Variants in ATRNL1 observed in about 807,000 individuals in gnomAD.
The protein encoded by ATRNL1 is attractin like 1.
A neutral mutation model predicts 182.7 loss-of-function variants in ATRNL1; 95 were observed. That is an observed-to-expected ratio of 0.52 (90% CI 0.44 to 0.62). The LOEUF (loss-of-function observed/expected upper bound fraction) is 0.62. Among genes scored for constraint, ATRNL1 ranks in the 20% least tolerant of loss-of-function variants. ATRNL1 has a pLI of 0.00. For missense variants in ATRNL1, 1,471 were observed against 1,679.5 expected (o/e 0.88, Z 2.17); for synonymous variants, 576 against 568.3 (o/e 1.01, Z -0.19).
At chr10:115,117,845 A>G (rs1554870450) in intron 1 of ATRNL1, among the ~76,000 whole-genome samples, 1 of 152,060 alleles carries the variant, frequency 6.6e-6, no homozygotes, top group East Asian at 1.9e-4. Context: ...CCTTTTCTCC[A>G]TATCCTTGCC....
chr10:115,931,773 T>C lies in ATRNL1; in HGVS notation c.4019-12885T>C, dbSNP rs186546792. Among the ~76,000 whole-genome samples the C allele has an allele frequency of 1.1e-3, 170 of 152,312 alleles. 1 individual carries two copies. The highest frequency in any genetic ancestry group is 0.011 in the Admixed American group (169 of 15,288). The stretch of plus-strand genomic sequence containing the variant: ...ATAGTTTCTATCTCCATCCATCCCT[T>C]AACCCATCACGTTGCCATCCTGTGA... On this transcript the variant is annotated intron_variant, in intron 28 of 28. Transcript: ENST00000355044.
intron 27 of ATRNL1, among the ~76,000 whole-genome samples, chr10:115,749,596 T>C (rs1446008450): frequency 3.3e-5 from 5 of 151,954 alleles, no homozygotes; most frequent in African/African-American, 4.8e-5. Context: ...GAATAATGTT[T>C]AAAACTGATC....
intron 19 of ATRNL1, among the ~76,000 whole-genome samples, chr10:115,370,813 T>A (rs1472373563): frequency 1.3e-5 from 2 of 152,314 alleles, no homozygotes; most frequent in South Asian, 2.1e-4. Flanking sequence ...AGCTGAATGC[T>A]AATCACCAAG....
chr10:115,798,208 C>G (rs573594243), intron 27 of ATRNL1, among the ~76,000 whole-genome samples: 1 of 152,186 alleles, frequency 6.6e-6, no homozygotes, highest in Non-Finnish European at 1.5e-5. Context: ...GGAGCCACCG[C>G]GCCCAGCCTC....
chr10:115,824,152 A>G (rs2134291125), intron 27 of ATRNL1, among the ~76,000 whole-genome samples: 1 of 152,342 alleles, frequency 6.6e-6, no homozygotes, highest in East Asian at 1.9e-4. Context: ...ATGTTTGACA[A>G]ACCTGACAAA....
chr10:115,179,521 A>G (rs1847664954), intron 8 of ATRNL1, among the ~76,000 whole-genome samples: 1 of 152,132 alleles, frequency 6.6e-6, no homozygotes, highest in Non-Finnish European at 1.5e-5. Flanking sequence ...TGCCCTGGTC[A>G]TACCTTTATA....
chr10:115,436,265 T>C (rs1248591992), intron 21 of ATRNL1, among the ~76,000 whole-genome samples: 2 of 152,120 alleles, frequency 1.3e-5, no homozygotes, highest in Non-Finnish European at 2.9e-5. Flanking sequence ...TTTTGAGCTA[T>C]TATGAAGTAA....
intron 27 of ATRNL1, among the ~76,000 whole-genome samples, chr10:115,832,769 CCTTG>C (rs1950587179): frequency 6.6e-6 from 1 of 152,092 alleles, no homozygotes; most frequent in African/African-American, 2.4e-5. Context: ...CTTTTGCTGT[CCTTG>C]CTTGCTTGCT....
At chr10:115,387,462 G>A (rs1554953013) in intron 19 of ATRNL1, among the ~76,000 whole-genome samples, 3 of 152,026 alleles carry the variant, frequency 2.0e-5, no homozygotes, top group African/African-American at 4.8e-5. Context: ...TTCTATTGAG[G>A]TACAATTCAG....
At chr10:115,443,292 T>C (rs1057491882) in intron 21 of ATRNL1, among the ~76,000 whole-genome samples, 6 of 152,136 alleles carry the variant, frequency 3.9e-5, no homozygotes, top group Non-Finnish European at 8.8e-5. Context: ...TAAATGTAAT[T>C]ACACCTGTTT....
At chr10:115,939,652 A>G (rs770565235) in intron 28 of ATRNL1, among the ~76,000 whole-genome samples, 1 of 152,188 alleles carries the variant, frequency 6.6e-6, no homozygotes, top group Non-Finnish European at 1.5e-5. Context: ...ATAACAAGGA[A>G]CTATGCTAGG....
intron 26 of ATRNL1, among the ~76,000 whole-genome samples, chr10:115,642,128 C>T (rs1859291669): frequency 6.6e-6 from 1 of 152,014 alleles, no homozygotes; most frequent in Non-Finnish European, 1.5e-5. Flanking sequence ...CAAAAGTTTT[C>T]AGACTCAATG....
chr10:115,259,557 A>G (rs576398559), intron 10 of ATRNL1, among the ~76,000 whole-genome samples: 2 of 152,030 alleles, frequency 1.3e-5, no homozygotes, highest in African/African-American at 4.8e-5. Flanking sequence ...AAATCCCCCA[A>G]CCCCTTGTGC....
intron 10 of ATRNL1, among the ~76,000 whole-genome samples, chr10:115,254,580 G>A (rs1385217479): frequency 6.6e-6 from 1 of 152,062 alleles, no homozygotes; most frequent in East Asian, 1.9e-4. Context: ...CTCCCATTCT[G>A]TAGGTTGCCT....
At chr10:115,478,745 A>T (rs550886576) in intron 24 of ATRNL1, among the ~76,000 whole-genome samples, 2 of 151,830 alleles carry the variant, frequency 1.3e-5, no homozygotes, top group African/African-American at 4.8e-5. Context: ...TTAGGGTAAA[A>T]AAATGGAAAG....
At chr10:115,740,801 C>G (rs1252350005) in intron 27 of ATRNL1, among the ~76,000 whole-genome samples, 1 of 151,350 alleles carries the variant, frequency 6.6e-6, no homozygotes, top group South Asian at 2.1e-4. Context: ...CCACCACACC[C>G]GGCCAATCCT....
intron 26 of ATRNL1, among the ~76,000 whole-genome samples, chr10:115,693,723 CTG>C (rs1320526548): frequency 6.6e-6 from 1 of 151,980 alleles, no homozygotes; most frequent in Non-Finnish European, 1.5e-5. Flanking sequence ...CTGTAAACAA[CTG>C]TAACACAATA....
intron 27 of ATRNL1, among the ~76,000 whole-genome samples, chr10:115,806,111 AACTT>A (rs1555085603): frequency 6.6e-6 from 1 of 152,166 alleles, no homozygotes; most frequent in African/African-American, 2.4e-5. Flanking sequence ...CCTTTAAAAG[AACTT>A]ACTTAAACTT....
At chr10:115,612,277 G>A (rs1175131858) in intron 26 of ATRNL1, among the ~76,000 whole-genome samples, 2 of 151,540 alleles carry the variant, frequency 1.3e-5, no homozygotes, top group Non-Finnish European at 2.9e-5. Context: ...AAAGACAACC[G>A]AGGAAGTTTG....
Sources: gnomAD v4.1 joint callset for allele counts (sites outside exome capture counted in the v4.1 genomes callset) on GRCh38, gnomAD v4.1.1 for gene constraint, MANE v1.5 for transcripts, NCBI Gene and HGNC (gene_info 2026-07-23, HGNC 2026-07-21) for gene names.